TMEM71: variants seen among roughly 807,000 people sequenced by gnomAD.
The protein encoded by TMEM71 is transmembrane protein 71.
In TMEM71, 44 loss-of-function variants were observed where a neutral mutation model predicts 38.0. That is an observed-to-expected ratio of 1.16 (90% CI 0.91 to 1.49). The LOEUF is 1.49. Ranked by LOEUF, TMEM71 falls within the 40% of genes most tolerant of loss-of-function variation. TMEM71 has a pLI of 0.00. For synonymous variants in TMEM71, 133 were observed against 122.5 expected (o/e 1.09, Z -0.56); for missense variants, 367 against 348.6 (o/e 1.05, Z -0.42).
At chr8:132,729,236 A>AT (rs962286027) in intron 5 of TMEM71, among the ~76,000 whole-genome samples, 1 of 152,250 alleles carries the variant, frequency 6.6e-6, no homozygotes, top group African/African-American at 2.4e-5. Flanking sequence ...CCAAAACTCT[A>AT]TAAGCCAAAG....
intron 5 of TMEM71, among the ~76,000 whole-genome samples, chr8:132,731,328 C>T (rs1586792071): frequency 6.6e-6 from 1 of 152,034 alleles, no homozygotes; most frequent in Non-Finnish European, 1.5e-5. Context: ...GCTGATGAGT[C>T]ATCAAACGAT....
intron 7 of TMEM71, among the ~76,000 whole-genome samples, chr8:132,718,334 C>G (rs926574571): frequency 2.7e-5 from 4 of 150,940 alleles, no homozygotes; most frequent in African/African-American, 7.3e-5. Flanking sequence ...CTGGCCAGGT[C>G]AAAGGAGATA....
chr8:132,753,356 T>C (rs758954738), intron 3 of TMEM71, among the ~76,000 whole-genome samples: 6 of 152,180 alleles, frequency 3.9e-5, no homozygotes, highest in South Asian at 2.1e-4. Context: ...GTATAATAGC[T>C]CTCATGTGCT....
At chr8:132,773,500 T>C in the TMEM71 span, among the ~76,000 whole-genome samples, 1 of 152,218 alleles carries the variant, frequency 6.6e-6, no homozygotes, top group Non-Finnish European at 1.5e-5. Context: ...ATGTATTTTA[T>C]TTAAATTGCA....
chr8:132,744,671 G>T (rs1203029304), intron 5 of TMEM71, among the ~76,000 whole-genome samples: 1 of 152,050 alleles, frequency 6.6e-6, no homozygotes, highest in East Asian at 1.9e-4. Flanking sequence ...CACAGGGTTG[G>T]AAAAACTATT....
intron 6 of TMEM71, among the ~76,000 whole-genome samples, chr8:132,726,308 G>C (rs991594756): frequency 2.0e-5 from 3 of 151,920 alleles, no homozygotes; most frequent in Non-Finnish European, 4.4e-5. Context: ...AGCTGCACTA[G>C]GAACAAAATG....
intron 6 of TMEM71, among the ~76,000 whole-genome samples, chr8:132,725,046 CTT>C (rs113090139): frequency 6.9e-6 from 1 of 144,408 alleles, no homozygotes; most frequent in Non-Finnish European, 1.5e-5. Flanking sequence ...TCTTTTTTTT[CTT>C]TTTTTTTTTT....
At chr8:132,771,422 T>C in the TMEM71 span, among the ~76,000 whole-genome samples, 1 of 152,202 alleles carries the variant, frequency 6.6e-6, no homozygotes, top group South Asian at 2.1e-4. Context: ...TTCTATTTTA[T>C]GACCCTTAGT....
rs975995287 is a variant in TMEM71, at chr8:132,715,409, C to CAAAAAAAAAA, written c.753-1204_753-1195dup. ...TGGGCGACAGAGCAAGACTCCGTCT[C>CAAAAAAAAAA]AAAAAAAAAAAAAAAAAAAAAAAAA... On this transcript the variant is annotated intron_variant, in intron 7 of 9. Transcript: ENST00000677595. 1.1e-3 allele frequency among the ~76,000 whole-genome samples: 23 copies of CAAAAAAAAAA among 21,568 alleles called. 3 individuals carry two copies. Among genetic ancestry groups the CAAAAAAAAAA allele is most frequent in the Non-Finnish European group, 1.4e-3 (13 of 9,196 alleles). The allele number at this position is 21,568 out of a possible 152,430, so 14.1% of individuals were successfully genotyped here.
At chr8:132,729,640 T>C (rs1827339706) in intron 5 of TMEM71, among the ~76,000 whole-genome samples, 1 of 152,162 alleles carries the variant, frequency 6.6e-6, no homozygotes, top group Admixed American at 6.5e-5. Context: ...GGGAAACCTA[T>C]AACTCTAAGC....
intron 9 of TMEM71, among the ~76,000 whole-genome samples, chr8:132,713,229 C>T (rs1169706839): frequency 1.6e-5 from 2 of 128,868 alleles, no homozygotes. Context: ...TTGAATAAAA[C>T]TTAGCTGTAT....
chr8:132,727,103 C>T (rs12541464), intron 6 of TMEM71, among the ~76,000 whole-genome samples: 7,312 of 152,076 alleles, frequency 0.048, 363 homozygotes, highest in East Asian at 0.29. Context: ...GTGTTCCACC[C>T]GCCTCAGCCT....
chr8:132,715,951 A>G (rs1423382799), intron 7 of TMEM71, among the ~76,000 whole-genome samples: 1 of 152,220 alleles, frequency 6.6e-6, no homozygotes, highest in East Asian at 1.9e-4. Context: ...AAGCGATGGC[A>G]GCAGCAGCCC....
chr8:132,773,916 A>T, the TMEM71 span, among the ~76,000 whole-genome samples: 1 of 152,182 alleles, frequency 6.6e-6, no homozygotes, highest in African/African-American at 2.4e-5. Flanking sequence ...TTAAAATAAT[A>T]AATATTTATT....
chr8:132,741,343 C>T (rs1828024244), intron 5 of TMEM71, among the ~76,000 whole-genome samples: 1 of 152,112 alleles, frequency 6.6e-6, no homozygotes, highest in South Asian at 2.1e-4. Context: ...GTGGGTCTCT[C>T]CCCATGTGTG....
chr8:132,725,045 T>TC (rs1827064063), intron 6 of TMEM71, among the ~76,000 whole-genome samples: 2 of 122,898 alleles, frequency 1.6e-5, no homozygotes, highest in South Asian at 5.1e-4. Context: ...TTCTTTTTTT[T>TC]CTTTTTTTTT....
intron 5 of TMEM71, among the ~76,000 whole-genome samples, chr8:132,742,632 T>G (rs1169493483): frequency 5.3e-5 from 8 of 152,224 alleles, no homozygotes; most frequent in Non-Finnish European, 1.0e-4. Context: ...AAGAGTGTTG[T>G]GTTTAGTACA....
chr8:132,740,845 G>C (rs1827995440), intron 5 of TMEM71, among the ~76,000 whole-genome samples: 1 of 152,176 alleles, frequency 6.6e-6, no homozygotes, highest in African/African-American at 2.4e-5. Flanking sequence ...TTTTTGAACA[G>C]GGGGTCCTGT....
At chr8:132,758,505 G>A (rs1184447842) in intron 2 of TMEM71, 4 of 223,848 alleles carry the variant, frequency 1.8e-5, no homozygotes, top group East Asian at 1.2e-4. Context: ...CTTATTTTCT[G>A]CAAGTAGCTA....
Sources: gnomAD v4.1 joint callset for allele counts (sites outside exome capture counted in the v4.1 genomes callset) on GRCh38, gnomAD v4.1.1 for gene constraint, MANE v1.5 for transcripts, NCBI Gene and HGNC (gene_info 2026-07-23, HGNC 2026-07-21) for gene names.